CEP135: variants seen among roughly 807,000 people sequenced by gnomAD.
CEP135 encodes centrosomal protein of 135 kDa.
CEP135 carries 142 observed loss-of-function variants against 157.3 expected under a neutral mutation model. The observed-to-expected ratio is 0.90, with a 90% confidence interval of 0.79 to 1.04. The LOEUF (loss-of-function observed/expected upper bound fraction) is 1.04, where lower values mean the gene tolerates loss of function less well. Ranked by LOEUF, CEP135 falls within the 50% of genes least tolerant of loss-of-function variation. CEP135 has a pLI of 0.00. For missense variants in CEP135, 1,317 were observed against 1,309.2 expected, an observed-to-expected ratio of 1.01 and a Z score of -0.09; for synonymous variants, 396 against 439.8, an observed-to-expected ratio of 0.90 and a Z score of 1.25.
chr4:56,009,948 T>G, intron 19 of CEP135, 45 bp downstream of exon 19: 2 of 1,545,296 alleles, frequency 1.3e-6, no homozygotes, highest in Non-Finnish European at 1.8e-6. Flanking sequence ...TACTTTCCAT[T>G]GTTTGCTAAA....
rs375480012 is a variant in CEP135 at position 55,956,337 on chromosome 4, G to A, written c.473-886G>A. 6.6e-5 allele frequency among the ~76,000 whole-genome samples: 10 copies of A among 152,172 alleles called. 2 individuals carry two copies. The highest frequency in any genetic ancestry group is 2.4e-4 in the African/African-American group (10 of 41,512). ...GGCAAAATCCTTAAAGAGATAAATT[G>A]TCCATGTATTTTTGACCAAGACAAG... On this transcript the variant is annotated intron_variant, in intron 4 of 25. Coordinates refer to ENST00000257287, the MANE Select transcript of CEP135 (RefSeq NM_025009.5).
chr4:55,973,759 G>A (rs1729102192), intron 10 of CEP135, among the ~76,000 whole-genome samples: 1 of 152,034 alleles, frequency 6.6e-6, no homozygotes, highest in Non-Finnish European at 1.5e-5. Flanking sequence ...AGCCATACTT[G>A]CTGTTCTGCT....
intron 6 of CEP135, among the ~76,000 whole-genome samples, chr4:55,962,283 G>A (rs1392683782): frequency 6.6e-6 from 1 of 152,060 alleles, no homozygotes; most frequent in African/African-American, 2.4e-5. Context: ...GTATTTTTTA[G>A]TAGAGACAGG....
In CEP135 at chr4:55,959,770, G is replaced by A; in HGVS notation, c.699+4G>A. ...GGTGAGAGACTATAGCAAGCAGGTA[G>A]GATTTTTATTTACTTGCATAGTAGG... On this transcript the variant is annotated splice_donor_region_variant and intron_variant, in intron 6 of 25. Coordinates refer to ENST00000257287, the MANE Select transcript of CEP135 (RefSeq NM_025009.5). 1 of 1,607,562 alleles carries A rather than the reference G, an allele frequency of 6.2e-7. No individual in the cohort carries two copies. Among genetic ancestry groups the A allele is most frequent in the Non-Finnish European group, 8.5e-7 (1 of 1,174,142 alleles).
chr4:55,999,502 C>G lies in CEP135; in HGVS notation c.2137C>G (p.Leu713Val). 1 of 1,611,538 alleles carries G rather than the reference C, an allele frequency of 6.2e-7. No individual in the cohort carries two copies. Among genetic ancestry groups the G allele is most frequent in the Non-Finnish European group, 8.5e-7 (1 of 1,179,476 alleles). ...ILEEKIDELN[L>V]KMTSQDEEAH... is the part of the protein sequence containing the mutation. ...CTTTTCATTTGTAGATGAACTAAAC[C>G]TTAAGATGACTTCACAGGATGAGGA... Residue 713 changes from leucine to valine, a missense_variant, in exon 17 of 26, where the codon CTT becomes GTT. Transcript: ENST00000257287.
intron 21 of CEP135, among the ~76,000 whole-genome samples, chr4:56,013,290 T>G (rs1230367171): frequency 6.6e-6 from 1 of 152,196 alleles, no homozygotes; most frequent in Non-Finnish European, 1.5e-5. Flanking sequence ...GATTAATACC[T>G]TAGTGTATAC....
At chr4:55,977,857 A>G (rs937559781) in intron 11 of CEP135, among the ~76,000 whole-genome samples, 2 of 152,164 alleles carry the variant, frequency 1.3e-5, no homozygotes, top group African/African-American at 2.4e-5. Flanking sequence ...TTACCGGTGA[A>G]TGGTTTATTT....
intron 21 of CEP135, among the ~76,000 whole-genome samples, chr4:56,013,022 A>G (rs1289575700): frequency 6.6e-6 from 1 of 152,178 alleles, no homozygotes; most frequent in African/African-American, 2.4e-5. Context: ...GCAATGCACG[A>G]GGGTTCCAGT....
At chr4:56,023,847 A>G (rs1387255487) in intron 24 of CEP135, among the ~76,000 whole-genome samples, 1 of 139,222 alleles carries the variant, frequency 7.2e-6, no homozygotes, top group Non-Finnish European at 1.5e-5. Flanking sequence ...TAGACATATA[A>G]TATATAGTAC....
chr4:55,959,990 T>C, intron 6 of CEP135: 2 of 597,278 alleles, frequency 3.3e-6, no homozygotes, highest in South Asian at 4.3e-5. Flanking sequence ...TGGTGGCATG[T>C]GCCTATGGTC....
chr4:55,972,898 G>C (rs887100925), intron 10 of CEP135, among the ~76,000 whole-genome samples: 1 of 152,104 alleles, frequency 6.6e-6, no homozygotes, highest in Non-Finnish European at 1.5e-5. Flanking sequence ...TGGGCGTGGT[G>C]GTGGGTGCCT....
intron 14 of CEP135, among the ~76,000 whole-genome samples, chr4:55,991,133 G>A (rs1483244675): frequency 6.6e-6 from 1 of 152,096 alleles, no homozygotes; most frequent in African/African-American, 2.4e-5. Flanking sequence ...GTGCCACCAC[G>A]CCTAGCTAAT....
chr4:56,009,779 G>A lies in CEP135; in HGVS notation c.2381G>A (p.Ser794Asn), dbSNP rs1730502924. 1 of 1,613,386 alleles carries A rather than the reference G, an allele frequency of 6.2e-7. No individual in the cohort carries two copies. Among genetic ancestry groups the A allele is most frequent in the Non-Finnish European group, 8.5e-7 (1 of 1,179,880 alleles). Reference protein sequence around the residue: ...TLVNRDREINSLRRQLDAAHK... With the variant: ...TLVNRDREINNLRRQLDAAHK... ...GTTAATCGAGATCGTGAGATAAACA[G>A]CCTCCGGCGCCAGCTTGATGCAGCT... is the stretch of plus-strand genomic sequence containing the variant. Residue 794 changes from serine (S) to asparagine (N), a missense_variant, in exon 19 of 26, where the codon AGC becomes AAC. By Grantham distance (46) the Ser-to-Asn change is conservative. Coordinates refer to ENST00000257287, the MANE Select transcript of CEP135 (RefSeq NM_025009.5).
intron 15 of CEP135, among the ~76,000 whole-genome samples, chr4:55,997,564 G>C (rs1046380477): frequency 2.6e-5 from 4 of 152,158 alleles, no homozygotes; most frequent in African/African-American, 4.8e-5. Flanking sequence ...TCTCTTTCAC[G>C]TAGAGGAGGT....
intron 25 of CEP135, 80 bp downstream of exon 25, chr4:56,024,694 G>A (rs568154955): frequency 1.1e-4 from 108 of 964,522 alleles, no homozygotes; most frequent in Non-Finnish European, 4.8e-5. Context: ...CATCAGGAAA[G>A]GGGAGATTGC....
chr4:55,953,227 T>C lies in CEP135; in HGVS notation c.256T>C (p.Tyr86His). 6.3e-7 allele frequency: 1 copy of C among 1,581,350 alleles called. No individual in the cohort carries two copies. The highest frequency in any genetic ancestry group is 8.6e-7 in the Non-Finnish European group (1 of 1,168,974). Reference sequence around the variant, plus strand: ...ATTGAGTAGAGAAAATAATGAATTATACCTAGAGTTAATGAAACTGAGAGA... The same window carrying C: ...ATTGAGTAGAGAAAATAATGAATTACACCTAGAGTTAATGAAACTGAGAGA... ...ARLSRENNELYLELMKLREHS... is the reference protein window; with the variant it reads ...ARLSRENNELHLELMKLREHS... Residue 86 changes from tyrosine to histidine, a missense_variant, in exon 3 of 26, where the codon TAC (tyrosine) becomes CAC (histidine). Tyr to His is a moderately conservative substitution (Grantham distance 83). Transcript: ENST00000257287.
At chr4:55,991,134 C>T (rs1205923278) in intron 14 of CEP135, among the ~76,000 whole-genome samples, 2 of 152,078 alleles carry the variant, frequency 1.3e-5, no homozygotes, top group Non-Finnish European at 2.9e-5. Flanking sequence ...TGCCACCACG[C>T]CTAGCTAATT....
Position 56,009,754 on chromosome 4 carries a change from G to A in CEP135, c.2356G>A (p.Val786Ile). 1 of 1,608,592 alleles carries A rather than the reference G, an allele frequency of 6.2e-7. No homozygotes were observed. Among genetic ancestry groups the A allele is most frequent in the Non-Finnish European group, 8.5e-7 (1 of 1,178,818 alleles). The change falls in exon 19 of 26, where the codon GTT becomes ATT. Residue 786 changes from valine (V) to isoleucine (I), a missense_variant. Coordinates refer to ENST00000257287, the MANE Select transcript of CEP135 (RefSeq NM_025009.5). ...TAACAGCCAGCTGAAAGAAACATTGGTTAATCGAGATCGTGAGATAAACAG... is the reference window on the plus strand; with the variant it reads ...TAACAGCCAGCTGAAAGAAACATTGATTAATCGAGATCGTGAGATAAACAG... ...SSVNQLKETL[V>I]NRDREINSLR...
rs1729268403 is a variant in CEP135, at chr4:55,977,745, A to G, written c.1474-2398A>G. ...ATACAATAGTTATTATTAACTGGTA[A>G]CCATGCAACACAATAGCTCATTAAA... On this transcript the variant is annotated intron_variant, in intron 11 of 25. Coordinates refer to ENST00000257287, the MANE Select transcript of CEP135 (RefSeq NM_025009.5). 2.0e-5 allele frequency among the ~76,000 whole-genome samples: 3 copies of G among 152,352 alleles called. No homozygotes were observed. In the South Asian group the frequency reaches 6.2e-4, roughly 32 times the overall value.
Sources: allele counts gnomAD v4.1 joint callset (sites outside exome capture counted in the v4.1 genomes callset), GRCh38; gene constraint gnomAD v4.1.1; transcripts MANE v1.5; gene names NCBI Gene and HGNC (gene_info 2026-07-23, HGNC 2026-07-21).